Variants in CNTNAP2 observed in about 807,000 individuals in gnomAD.
The protein encoded by CNTNAP2 is contactin associated protein 2.
In CNTNAP2, 98 loss-of-function variants were observed where a neutral mutation model predicts 155.2. The ratio of observed to expected loss-of-function variants is 0.63; its 90% CI spans 0.54 to 0.75. The LOEUF is 0.75. Among genes scored for constraint, CNTNAP2 ranks in the 30% least tolerant of loss-of-function variants. The probability of loss-of-function intolerance (pLI) is 0.00; values close to 1 mark genes in which losing one functional copy is unlikely to be tolerated. For missense variants in CNTNAP2, 1,727 were observed against 1,688.1 expected (o/e 1.02, Z -0.40); for synonymous variants, 651 against 631.2 (o/e 1.03, Z -0.47).
intron 13 of CNTNAP2, among the ~76,000 whole-genome samples, chr7:147,640,231 T>C (rs1795251196): frequency 2.0e-5 from 3 of 152,174 alleles, no homozygotes; most frequent in Non-Finnish European, 4.4e-5. Context: ...ACATTTATTA[T>C]TTTTTGTGAA....
At chr7:147,609,785 A>G (rs1801147406) in intron 12 of CNTNAP2, among the ~76,000 whole-genome samples, 1 of 152,150 alleles carries the variant, frequency 6.6e-6, no homozygotes, top group South Asian at 2.1e-4. Context: ...ACATCACTGG[A>G]GAGAAACCTG....
chr7:147,024,982 A>G (rs1282086140), intron 3 of CNTNAP2, among the ~76,000 whole-genome samples: 1 of 151,818 alleles, frequency 6.6e-6, no homozygotes, highest in Non-Finnish European at 1.5e-5. Flanking sequence ...TTGCTAAACC[A>G]TTAGAAAGCA....
At chr7:148,239,429 A>G (rs1009828232) in intron 20 of CNTNAP2, among the ~76,000 whole-genome samples, 1 of 152,222 alleles carries the variant, frequency 6.6e-6, no homozygotes, top group Non-Finnish European at 1.5e-5. Context: ...GGCTACATAT[A>G]TTGGGAAGTT....
chr7:148,367,054 A>C (rs1798796744), intron 21 of CNTNAP2, among the ~76,000 whole-genome samples: 2 of 152,164 alleles, frequency 1.3e-5, no homozygotes, highest in African/African-American at 4.8e-5. Flanking sequence ...AACATGGTGA[A>C]GCCCTGTCTC....
chr7:147,543,025 C>T (rs968568209), intron 11 of CNTNAP2, among the ~76,000 whole-genome samples: 1 of 152,184 alleles, frequency 6.6e-6, no homozygotes, highest in Non-Finnish European at 1.5e-5. Context: ...ATTAAAGACA[C>T]ACACACAGAA....
At chr7:146,610,242 G>A (rs1449302247) in intron 1 of CNTNAP2, among the ~76,000 whole-genome samples, 2 of 152,126 alleles carry the variant, frequency 1.3e-5, no homozygotes, top group Admixed American at 1.3e-4. Context: ...TTATTCTCGT[G>A]TAGTCGTCTC....
At chr7:147,663,590 C>T (rs926265770) in intron 13 of CNTNAP2, among the ~76,000 whole-genome samples, 10 of 152,188 alleles carry the variant, frequency 6.6e-5, no homozygotes, top group Admixed American at 3.9e-4. Context: ...CTAAAAGCAA[C>T]GTGGCCAAAC....
chr7:147,334,635 A>C (rs1468071028), intron 9 of CNTNAP2, among the ~76,000 whole-genome samples: 3 of 152,188 alleles, frequency 2.0e-5, no homozygotes, highest in Non-Finnish European at 4.4e-5. Flanking sequence ...GTAATTCTAG[A>C]GGAAAGGAAT....
intron 9 of CNTNAP2, among the ~76,000 whole-genome samples, chr7:147,330,154 A>C (rs958932937): frequency 1.3e-5 from 2 of 151,906 alleles, no homozygotes; most frequent in African/African-American, 4.8e-5. Context: ...CCACCTACCA[A>C]CCTCCTAGAA....
intron 1 of CNTNAP2, among the ~76,000 whole-genome samples, chr7:146,650,318 G>A (rs1357507647): frequency 1.3e-5 from 2 of 152,102 alleles, no homozygotes; most frequent in Non-Finnish European, 2.9e-5. Flanking sequence ...TGATAGACTG[G>A]ATAAAGAAAA....
chr7:147,400,520 T>G (rs904053883), intron 10 of CNTNAP2, among the ~76,000 whole-genome samples: 4 of 152,204 alleles, frequency 2.6e-5, no homozygotes, highest in Non-Finnish European at 4.4e-5. Context: ...TTTGACAATT[T>G]TTTTTTCTGT....
At chr7:148,365,179 A>G (rs1488980708) in intron 21 of CNTNAP2, among the ~76,000 whole-genome samples, 2 of 152,100 alleles carry the variant, frequency 1.3e-5, no homozygotes, top group African/African-American at 4.8e-5. Context: ...CCTGCTACCT[A>G]GAGTAGCATC....
Position 147,114,946 on chromosome 7 carries a change from A to G in CNTNAP2, c.755-6033A>G, listed in dbSNP as rs367795609. The stretch of plus-strand genomic sequence containing the variant: ...TCGATGTGTTTCTGTAGTGGCTGGT[A>G]ATGGTTTTTCCTTTTCATATTTAGT... On this transcript the variant is annotated intron_variant, in intron 5 of 23. Transcript: ENST00000361727. Among the ~76,000 whole-genome samples the G allele has an allele frequency of 6.5e-4, 99 of 152,102 alleles. No homozygotes were observed. In the East Asian group the frequency reaches 0.015, roughly 23 times the overall value.
intron 9 of CNTNAP2, among the ~76,000 whole-genome samples, chr7:147,369,042 T>TTAA (rs1276319641): frequency 2.0e-5 from 3 of 152,174 alleles, no homozygotes; most frequent in Admixed American, 2.0e-4. Flanking sequence ...CTTGCTGAGT[T>TTAA]TAAGGACTTT....
chr7:146,843,884 C>T (rs1188868807), intron 3 of CNTNAP2, among the ~76,000 whole-genome samples: 1 of 151,970 alleles, frequency 6.6e-6, no homozygotes, highest in African/African-American at 2.4e-5. Flanking sequence ...TGGAAAACAC[C>T]TTACAAGATG....
intron 14 of CNTNAP2, among the ~76,000 whole-genome samples, chr7:147,976,418 G>T (rs1475848753): frequency 6.7e-6 from 1 of 149,074 alleles, no homozygotes; most frequent in Non-Finnish European, 1.5e-5. Flanking sequence ...ATAAAAGAGG[G>T]TGGGTTTGTA....
At chr7:147,109,252 T>G (rs375614817) in intron 5 of CNTNAP2, among the ~76,000 whole-genome samples, 212 of 152,258 alleles carry the variant, frequency 1.4e-3, no homozygotes, top group African/African-American at 4.8e-3. Flanking sequence ...GAGAAATATG[T>G]CAATTAAGGA....
At chr7:146,990,040 C>T (rs772713052) in intron 3 of CNTNAP2, among the ~76,000 whole-genome samples, 3 of 151,450 alleles carry the variant, frequency 2.0e-5, no homozygotes, top group African/African-American at 2.4e-5. Flanking sequence ...GCCATATTTA[C>T]CTACAATTTT....
chr7:146,321,592 CCTT>C (rs1332524804), intron 1 of CNTNAP2, among the ~76,000 whole-genome samples: 7 of 152,110 alleles, frequency 4.6e-5, no homozygotes, highest in African/African-American at 1.7e-4. Flanking sequence ...GCTGCAGCCG[CCTT>C]AAAAACAGAA....
Sources: gnomAD v4.1 joint callset for allele counts (sites outside exome capture counted in the v4.1 genomes callset) on GRCh38, gnomAD v4.1.1 for gene constraint, MANE v1.5 for transcripts, NCBI Gene and HGNC (gene_info 2026-07-23, HGNC 2026-07-21) for gene names.